PPP2R1B: variants seen among roughly 807,000 people sequenced by gnomAD.
PPP2R1B encodes serine/threonine-protein phosphatase 2A 65 kDa regulatory subunit A beta isoform.
Under a neutral mutation model 72.7 loss-of-function variants are expected in PPP2R1B, and 58 were observed. The ratio of observed to expected loss-of-function variants is 0.80; its 90% CI spans 0.65 to 0.99. The LOEUF is 0.99. Among genes scored for constraint, PPP2R1B ranks in the 50% least tolerant of loss-of-function variants. The probability of loss-of-function intolerance (pLI) is 0.00; values close to 1 mark genes in which losing one functional copy is unlikely to be tolerated. For missense variants in PPP2R1B, 695 were observed against 733.6 expected (o/e 0.95, Z 0.61); for synonymous variants, 256 against 264.6 (o/e 0.97, Z 0.32).
chr11:111,705,807 A>G, the PPP2R1B span, among the ~76,000 whole-genome samples: 1 of 152,254 alleles, frequency 6.6e-6, no homozygotes, highest in Admixed American at 6.5e-5. This position sits in a 1 kb window ranked among gnomAD's most constrained non-coding sequence, Gnocchi z 4.3. Flanking sequence ...AAGCTAATTA[A>G]TCTGGTAGCA....
At chr11:111,712,294 C>T in the PPP2R1B span, 8 of 1,614,056 alleles carry the variant, frequency 5.0e-6, no homozygotes, top group Middle Eastern at 1.6e-4. Flanking sequence ...AGGCATCCAA[C>T]GTGGAGGCCT....
rs983318021 is a variant in PPP2R1B, at chr11:111,738,169, G to C, written c.*3427C>G. ...AAAGGGAAACAGTTACATCACATCA[G>C]ACTGCAGTCACCTCAGCTGCTAAAC... On this transcript the variant is annotated 3_prime_UTR_variant, in exon 15 of 15. Coordinates refer to ENST00000527614, the MANE Select transcript of PPP2R1B (RefSeq NM_002716.5). 7 of 986,016 alleles carry C rather than the reference G, an allele frequency of 7.1e-6. No homozygotes were observed. In the African/African-American group the frequency reaches 1.0e-4, roughly 15 times the overall value. 61.1% of individuals were successfully genotyped at this position (986,016 alleles called of 1,614,324 possible). A position where few individuals can be genotyped will look rare whatever the true frequency, so the allele number is the denominator to read the frequency against.
chr11:111,712,412 T>C, the PPP2R1B span: 1 of 1,587,168 alleles, frequency 6.3e-7, no homozygotes, highest in East Asian at 2.3e-5. Flanking sequence ...ACTGGCAGTT[T>C]GGCGAGAGAT....
At chr11:111,701,301 G>A in the PPP2R1B span, 1 of 1,087,302 alleles carries the variant, frequency 9.2e-7, no homozygotes, top group African/African-American at 1.6e-5. This position sits in a 1 kb window ranked among gnomAD's most constrained non-coding sequence, Gnocchi z 4.2. Flanking sequence ...AGTAGTCAGG[G>A]TTTTGGATTT....
At chr11:111,727,076 G>A (rs779975852) in intron 15 of PPP2R1B, 12 of 1,607,006 alleles carry the variant, frequency 7.5e-6, no homozygotes, top group East Asian at 2.2e-5. Flanking sequence ...CAAACAGCAT[G>A]TTAGCCCGAC....
chr11:111,765,970 C>G (rs1945516946), intron 1 of PPP2R1B: 1 of 570,484 alleles, frequency 1.8e-6, no homozygotes, highest in Admixed American at 2.2e-5. Context: ...ATGGGGCGCC[C>G]AGGCGGGAAG....
At chr11:111,707,971 G>A in the PPP2R1B span, among the ~76,000 whole-genome samples, 5 of 152,124 alleles carry the variant, frequency 3.3e-5, no homozygotes, top group African/African-American at 7.2e-5. Flanking sequence ...AACCTGTACC[G>A]GGAGTTTAGT....
chr11:111,695,251 T>C, the PPP2R1B span, among the ~76,000 whole-genome samples: 3 of 152,320 alleles, frequency 2.0e-5, 1 homozygote, highest in South Asian at 6.2e-4. Flanking sequence ...AATTTAACCC[T>C]AAAGCCATCT....
At chr11:111,742,438 G>T in intron 13 of PPP2R1B, 85 bp downstream of exon 13, 1 of 1,423,346 alleles carries the variant, frequency 7.0e-7, no homozygotes, top group South Asian at 1.4e-5. Flanking sequence ...GAAAATCCCT[G>T]AACTTAATTT....
chr11:111,701,034 G>A, the PPP2R1B span: 1 of 1,611,296 alleles, frequency 6.2e-7, no homozygotes, highest in Non-Finnish European at 8.5e-7. The surrounding 1 kb of genome is among the most constrained non-coding windows in gnomAD (Gnocchi z 4.2). Flanking sequence ...TTGCTGTGTT[G>A]TTAAATGCAT....
chr11:111,757,131 GA>G (rs1320189067), intron 5 of PPP2R1B, among the ~76,000 whole-genome samples: 3 of 150,002 alleles, frequency 2.0e-5, no homozygotes, highest in South Asian at 2.1e-4. Flanking sequence ...AAAAAACACC[GA>G]AAAAAAAGAA....
chr11:111,694,801 A>AT, the PPP2R1B span, among the ~76,000 whole-genome samples: 12 of 151,380 alleles, frequency 7.9e-5, no homozygotes, highest in Admixed American at 4.0e-4. Flanking sequence ...GTTTGATTTG[A>AT]TTTTTTTTTC....
At chr11:111,716,818 C>T in the PPP2R1B span, among the ~76,000 whole-genome samples, 1 of 152,060 alleles carries the variant, frequency 6.6e-6, no homozygotes, top group South Asian at 2.1e-4. Flanking sequence ...AAAAAAGAAC[C>T]TGCATGAAAA....
At chr11:111,717,963 G>T in the PPP2R1B span, among the ~76,000 whole-genome samples, 3 of 152,168 alleles carry the variant, frequency 2.0e-5, no homozygotes, top group Non-Finnish European at 4.4e-5. Flanking sequence ...GCTGATGCAT[G>T]CAGGGCTTAA....
In PPP2R1B at chr11:111,761,950, GCTCT is replaced by G. The variant is rs142026815; in HGVS notation, c.307-903_307-900del. Among the ~76,000 whole-genome samples the G allele has an allele frequency of 7.3e-3, 1,117 of 152,206 alleles. 8 individuals carry two copies. The highest frequency in any genetic ancestry group is 0.054 in the Middle Eastern group (16 of 294). ...ACTTGAGCCTGGGTGACAGAGTGAG[GCTCT>G]TGTCTCAAAAAAAAAAGGTAAAGTA... On this transcript the variant is annotated intron_variant, in intron 3 of 14. Coordinates refer to ENST00000527614, the MANE Select transcript of PPP2R1B (RefSeq NM_002716.5).
At chr11:111,709,947 G>C in the PPP2R1B span, among the ~76,000 whole-genome samples, 16 of 152,164 alleles carry the variant, frequency 1.1e-4, no homozygotes, top group African/African-American at 1.4e-4. Flanking sequence ...AGTCAGGGAC[G>C]GAGCAGTGTG....
chr11:111,725,471 C>T (rs1234444958), downstream of PPP2R1B: 1 of 152,522 alleles, frequency 6.6e-6, no homozygotes, highest in African/African-American at 2.4e-5. Context: ...TTAGATGCTA[C>T]AGCTAGCTAA....
chr11:111,718,578 A>G, the PPP2R1B span, among the ~76,000 whole-genome samples: 2 of 152,218 alleles, frequency 1.3e-5, no homozygotes, highest in African/African-American at 4.8e-5. Context: ...CCTGCAGCAA[A>G]CAAAGATCTG....
intron 5 of PPP2R1B, among the ~76,000 whole-genome samples, chr11:111,755,890 C>A (rs1246024119): frequency 6.6e-6 from 1 of 152,086 alleles, no homozygotes; most frequent in African/African-American, 2.4e-5. Context: ...AGCCACTGCG[C>A]CTGGCCGTGT....
Sources: allele counts gnomAD v4.1 joint callset (sites outside exome capture counted in the v4.1 genomes callset), GRCh38; gene constraint gnomAD v4.1.1; non-coding constraint Gnocchi (gnomAD v3.1); transcripts MANE v1.5; gene names NCBI Gene and HGNC (gene_info 2026-07-23, HGNC 2026-07-21).